The following ITGAV variants were observed in gnomAD, a reference collection of about 807,000 sequenced individuals.
ITGAV encodes integrin subunit alpha V.
Under a neutral mutation model 143.8 loss-of-function variants are expected in ITGAV, and 76 were observed. That is an observed-to-expected ratio of 0.53 (90% confidence interval 0.44 to 0.64). The LOEUF is 0.64. ITGAV is among the 30% of genes least tolerant of loss of function. The pLI is 0.00. For synonymous variants in ITGAV, 453 were observed against 446.7 expected (o/e 1.01, Z -0.18); for missense variants, 1,193 against 1,274.7 (o/e 0.94, Z 0.98).
At position 186,638,974 on chromosome 2, in the gene ITGAV, G is replaced by GA. The variant is rs1180960200; in HGVS notation, c.903+515dup. The stretch of plus-strand genomic sequence containing the variant: ...AGACTTCCTTTTTCTTTACTGAAAA[G>GA]AAAAAAGAGAAAAGAATTCTTTAAA... On this transcript the variant is annotated intron_variant, in intron 10 of 29. Transcript: ENST00000261023. Among the ~76,000 whole-genome samples the GA allele has an allele frequency of 2.8e-4, 40 of 143,044 alleles. 1 individual carries two copies. Among genetic ancestry groups the GA allele is most frequent in the Middle Eastern group, 3.5e-3 (1 of 282 alleles). The allele number at this position is 143,044 out of a possible 152,430, so 93.8% of individuals were successfully genotyped here.
intron 2 of ITGAV, among the ~76,000 whole-genome samples, chr2:186,611,974 C>G (rs902212634): frequency 1.3e-5 from 2 of 151,982 alleles, no homozygotes; most frequent in African/African-American, 2.4e-5. Flanking sequence ...CGATTTTTGC[C>G]ATTACTTTCA....
chr2:186,615,355 ATT>A (rs1194528611), intron 2 of ITGAV, among the ~76,000 whole-genome samples: 1 of 152,078 alleles, frequency 6.6e-6, no homozygotes, highest in Non-Finnish European at 1.5e-5. Context: ...GGTAATCTAT[ATT>A]TACCTTTTTT....
intron 18 of ITGAV, among the ~76,000 whole-genome samples, chr2:186,662,661 T>C (rs956811412): frequency 6.6e-6 from 1 of 152,220 alleles, no homozygotes; most frequent in Non-Finnish European, 1.5e-5. Context: ...TTAGATGTGC[T>C]AAAAGTATAT....
chr2:186,654,759 C>T (rs1688537588), intron 16 of ITGAV, 51 bp downstream of exon 16: 5 of 731,688 alleles, frequency 6.8e-6, no homozygotes, highest in Non-Finnish European at 1.2e-5. Flanking sequence ...GCATACACAG[C>T]ACTTAAAAAA....
chr2:186,630,187 A>T (rs1687778107), intron 4 of ITGAV, among the ~76,000 whole-genome samples: 1 of 152,008 alleles, frequency 6.6e-6, no homozygotes, highest in Admixed American at 6.6e-5. Context: ...TTGGCTCTAT[A>T]ATGTATGTAT....
intron 14 of ITGAV, 89 bp from the exon 15 acceptor site, chr2:186,651,893 A>G: frequency 1.5e-6 from 1 of 685,746 alleles, no homozygotes; most frequent in Non-Finnish European, 2.6e-6. Flanking sequence ...ATGGTACTAT[A>G]TATGTAGTGA....
chr2:186,593,544 A>C (rs1396843562), intron 1 of ITGAV, among the ~76,000 whole-genome samples: 1 of 152,148 alleles, frequency 6.6e-6, no homozygotes, highest in East Asian at 1.9e-4. Context: ...TAATAATTAG[A>C]GTCATACTTT....
chr2:186,617,362 C>G (rs1485836276), intron 2 of ITGAV, among the ~76,000 whole-genome samples: 1 of 152,174 alleles, frequency 6.6e-6, no homozygotes, highest in Non-Finnish European at 1.5e-5. Context: ...GTTGACAATG[C>G]CTTTGGAAAC....
intron 26 of ITGAV, among the ~76,000 whole-genome samples, chr2:186,674,626 C>T (rs1237291032): frequency 6.6e-6 from 1 of 152,070 alleles, no homozygotes; most frequent in Non-Finnish European, 1.5e-5. Context: ...ATTCTCCTGC[C>T]TTAGCCTCCC....
At chr2:186,623,786 A>G (rs1476318025) in intron 3 of ITGAV, among the ~76,000 whole-genome samples, 1 of 152,084 alleles carries the variant, frequency 6.6e-6, no homozygotes, top group African/African-American at 2.4e-5. Context: ...ACTAGTGAGC[A>G]CTCACAATCT....
At chr2:186,623,549 T>G (rs1395234745) in intron 3 of ITGAV, among the ~76,000 whole-genome samples, 1 of 152,090 alleles carries the variant, frequency 6.6e-6, no homozygotes, top group Non-Finnish European at 1.5e-5. Context: ...ACCTAGAGGT[T>G]CCTAGCCTAA....
rs549101330 is a variant in ITGAV at position 186,662,496 on chromosome 2, A to G, written c.1858-1272A>G. On this transcript the variant is annotated intron_variant, in intron 18 of 29. Coordinates refer to ENST00000261023, the MANE Select transcript of ITGAV (RefSeq NM_002210.5). ...GATTTTTAAATTTTATTTAATTTTA[A>G]TTAATTTAACGTTAAAAGCTGATGC... 2.0e-3 allele frequency among the ~76,000 whole-genome samples: 307 copies of G among 152,292 alleles called. 1 individual carries two copies. The highest frequency in any genetic ancestry group is 7.0e-3 in the African/African-American group (291 of 41,566).
rs1688834459 is a variant in ITGAV at position 186,664,541 on chromosome 2, T to C, written c.1973T>C (p.Ile658Thr). ...GGGGATGACAACCCTCTGACATTGATTGTTAAGGCTCAGAATCAAGGAGAA... is the reference window on the plus strand; with the variant it reads ...GGGGATGACAACCCTCTGACATTGACTGTTAAGGCTCAGAATCAAGGAGAA... ...YIGDDNPLTL[I>T]VKAQNQGEGA... Residue 658 changes from isoleucine to threonine, a missense_variant, in exon 20 of 30, where the codon ATT (isoleucine) becomes ACT (threonine). Ile to Thr is a moderately conservative substitution (Grantham distance 89). Transcript: ENST00000261023. The C allele has an allele frequency of 3.1e-6, 5 of 1,614,046 alleles. No individual in the cohort carries two copies. The highest frequency in any genetic ancestry group is 4.5e-5 in the East Asian group (2 of 44,860).
intron 1 of ITGAV, among the ~76,000 whole-genome samples, chr2:186,596,106 A>G (rs1009140949): frequency 2.0e-5 from 3 of 152,096 alleles, no homozygotes; most frequent in African/African-American, 7.2e-5. Flanking sequence ...ATCATCTTGT[A>G]TTTTCGTGGT....
intron 3 of ITGAV, among the ~76,000 whole-genome samples, chr2:186,624,667 G>C (rs537203791): frequency 1.1e-3 from 166 of 152,182 alleles, no homozygotes; most frequent in Non-Finnish European, 2.0e-3. Flanking sequence ...TTACACATTT[G>C]GTAGATTACT....
intron 22 of ITGAV, 61 bp from the exon 23 acceptor site, chr2:186,667,089 C>CTCTGTATGTTCTTGGTTG: frequency 7.8e-7 from 1 of 1,284,384 alleles, no homozygotes; most frequent in South Asian, 1.4e-5. Context: ...CTGGGTTTGC[C>CTCTGTATGTTCTTGGTTG]TCTGTATGTT....
chr2:186,664,468 T>A (rs201697574), intron 19 of ITGAV, 26 bp from the exon 20 acceptor site: 5 of 1,607,816 alleles, frequency 3.1e-6, no homozygotes, highest in Non-Finnish European at 4.2e-6. Context: ...TTTTTCTCAG[T>A]CTGGATTTGT....
At chr2:186,662,369 A>G (rs183696268) in intron 18 of ITGAV, among the ~76,000 whole-genome samples, 35 of 152,228 alleles carry the variant, frequency 2.3e-4, no homozygotes, top group East Asian at 9.7e-4. Flanking sequence ...TGTTTCCTTC[A>G]AATTAAAACG....
chr2:186,659,879 T>C (rs1444633066), intron 18 of ITGAV, among the ~76,000 whole-genome samples: 1 of 151,860 alleles, frequency 6.6e-6, no homozygotes, highest in Non-Finnish European at 1.5e-5. Context: ...TTTAACAATT[T>C]CATATTTCAT....
Sources: allele counts gnomAD v4.1 joint callset (sites outside exome capture counted in the v4.1 genomes callset), GRCh38; gene constraint gnomAD v4.1.1; transcripts MANE v1.5; gene names NCBI Gene and HGNC (gene_info 2026-07-23, HGNC 2026-07-21).